The following PDE2A variants were observed in gnomAD, a reference collection of about 807,000 sequenced individuals.
PDE2A encodes phosphodiesterase 2A.
A neutral mutation model predicts 133.6 loss-of-function variants in PDE2A; 53 were observed. The observed-to-expected ratio is 0.40, with a 90% CI of 0.32 to 0.50. PDE2A has a LOEUF of 0.50. Among genes scored for constraint, PDE2A ranks in the 20% least tolerant of loss-of-function variants. The pLI is 0.73. For synonymous variants in PDE2A, 491 were observed against 490.2 expected, an observed-to-expected ratio of 1.00 and a Z score of -0.02; for missense variants, 796 against 1,232.4, an observed-to-expected ratio of 0.65 and a Z score of 5.30.
At chr11:72,665,999 A>G (rs1270578690) in intron 1 of PDE2A, among the ~76,000 whole-genome samples, 1 of 151,810 alleles carries the variant, frequency 6.6e-6, no homozygotes, top group Non-Finnish European at 1.5e-5. Context: ...TCACTTCACC[A>G]CTGGGCTCCT....
chr11:72,627,829 T>C (rs1858161928), intron 2 of PDE2A, among the ~76,000 whole-genome samples: 1 of 152,216 alleles, frequency 6.6e-6, no homozygotes, highest in Non-Finnish European at 1.5e-5. Flanking sequence ...GGGCATTGAC[T>C]CAGCATGCTC....
chr11:72,581,109 T>C (rs1420572305), intron 23 of PDE2A, 136 bp from the exon 24 acceptor site: 4 of 748,250 alleles, frequency 5.3e-6, no homozygotes, highest in Non-Finnish European at 9.2e-6. Context: ...GTTCCCTTCC[T>C]GGAAAGAAGC....
chr11:72,600,230 G>T (rs1856679656), intron 4 of PDE2A, among the ~76,000 whole-genome samples: 1 of 152,150 alleles, frequency 6.6e-6, no homozygotes, highest in South Asian at 2.1e-4. Flanking sequence ...GAACGATCAT[G>T]CTGCCTGGGT....
intron 4 of PDE2A, 21 bp downstream of exon 4, chr11:72,605,117 G>C: frequency 6.6e-7 from 1 of 1,525,260 alleles, no homozygotes; most frequent in Non-Finnish European, 9.1e-7. Context: ...GAGGGCAATG[G>C]GGGTGCAGAG....
intron 2 of PDE2A, among the ~76,000 whole-genome samples, chr11:72,640,801 A>G (rs988173285): frequency 6.6e-6 from 1 of 152,090 alleles, no homozygotes; most frequent in African/African-American, 2.4e-5. Flanking sequence ...TCCACTGTAC[A>G]ATAACAGACA....
In PDE2A at chr11:72,586,175, G is replaced by A. The variant is rs772589959; in HGVS notation, c.1077C>T (p.Thr359=). 5.0e-6 allele frequency: 8 copies of A among 1,601,374 alleles called. No individual in the cohort carries two copies. Among genetic ancestry groups the A allele is most frequent in the African/African-American group, 1.3e-5 (1 of 74,782 alleles). ...AFNKLEGDLF[T]DEDEHVIQHC... ...GCTGGATCACATGCTCGTCCTCGTC[G>A]GTGAACCTGGAGGAGGGGGTGGGCT... is the stretch of plus-strand genomic sequence containing the variant. The change falls in exon 14 of 31, where the codon ACC becomes ACT. Residue 359 remains threonine (T), a synonymous_variant. Coordinates refer to ENST00000334456, the MANE Select transcript of PDE2A (RefSeq NM_002599.5).
chr11:72,608,740 C>T lies in PDE2A; in HGVS notation c.156G>A (p.Leu52=), dbSNP rs755936590. Residue 52 remains leucine, a synonymous_variant, in exon 3 of 31, where the codon CTG becomes CTA. Coordinates refer to ENST00000334456, the MANE Select transcript of PDE2A (RefSeq NM_002599.5). ...PCADSLQDAL[L]SLGSVIDISG... ...AAATGTCGATGACAGAGCCCAGACT[C>T]AGCAAGGCGTCCTGGAAGAGAGGAG... 1 of 1,559,180 alleles carries T rather than the reference C, an allele frequency of 6.4e-7. No homozygotes were observed. The highest frequency in any genetic ancestry group is 1.9e-5 in the Admixed American group (1 of 51,708).
chr11:72,632,324 TG>T (rs1858447841), intron 2 of PDE2A, among the ~76,000 whole-genome samples: 1 of 152,168 alleles, frequency 6.6e-6, no homozygotes, highest in South Asian at 2.1e-4. Context: ...CGTGTCCCTG[TG>T]CCCTGCAGGG....
chr11:72,647,745 G>C (rs1327876050), intron 1 of PDE2A, among the ~76,000 whole-genome samples: 1 of 152,226 alleles, frequency 6.6e-6, no homozygotes, highest in African/African-American at 2.4e-5. Flanking sequence ...ACCTGGGCAG[G>C]GGTGAGCCAC....
At chr11:72,634,641 G>T (rs890345612) in intron 2 of PDE2A, among the ~76,000 whole-genome samples, 1 of 152,236 alleles carries the variant, frequency 6.6e-6, no homozygotes, top group Non-Finnish European at 1.5e-5. Context: ...CTCTGGCCTG[G>T]GTGCCAAGGC....
intron 21 of PDE2A, 141 bp downstream of exon 21, chr11:72,582,303 C>T: frequency 1.2e-6 from 1 of 813,536 alleles, no homozygotes; most frequent in Non-Finnish European, 1.9e-6. Context: ...TGGCAGACTA[C>T]AAGCCCCTCC....
chr11:72,649,337 A>G (rs1591128083), intron 1 of PDE2A: 1 of 152,292 alleles, frequency 6.6e-6, no homozygotes, highest in Non-Finnish European at 1.5e-5. Context: ...CCTCCCAGCC[A>G]GGTATGCCCC....
chr11:72,673,972 A>G (rs1458658058), intron 1 of PDE2A, among the ~76,000 whole-genome samples, 165 bp downstream of exon 1: 1 of 152,098 alleles, frequency 6.6e-6, no homozygotes, highest in Non-Finnish European at 1.5e-5. Context: ...CCCCCACCCC[A>G]GGCTGCAGTC....
chr11:72,625,664 G>T (rs1010376422), intron 2 of PDE2A, among the ~76,000 whole-genome samples: 7 of 152,100 alleles, frequency 4.6e-5, no homozygotes, highest in Non-Finnish European at 8.8e-5. Flanking sequence ...GGCATTTGTG[G>T]GGTTTGGAGA....
At chr11:72,593,069 G>A (rs538117032) in intron 6 of PDE2A, among the ~76,000 whole-genome samples, 1 of 152,094 alleles carries the variant, frequency 6.6e-6, no homozygotes, top group Admixed American at 6.5e-5. Flanking sequence ...TTCTCGGGCT[G>A]CCTTGGCCTA....
At chr11:72,630,868 G>C (rs904602728) in intron 2 of PDE2A, among the ~76,000 whole-genome samples, 1 of 151,908 alleles carries the variant, frequency 6.6e-6, no homozygotes, top group African/African-American at 2.4e-5. Context: ...TTGGGAGGAG[G>C]AATCCTCATG....
At position 72,597,393 on chromosome 11, in the gene PDE2A, C is replaced by G; in HGVS notation, c.433+117G>C. ...TGGAGGGACTGCTAGAGACACAGAGCAAGAGAAAGAAGGAGACAGAGATGA... is the reference window on the plus strand; with the variant it reads ...TGGAGGGACTGCTAGAGACACAGAGGAAGAGAAAGAAGGAGACAGAGATGA... On this transcript the variant is annotated intron_variant, in intron 5 of 30. Coordinates refer to ENST00000334456, the MANE Select transcript of PDE2A (RefSeq NM_002599.5). The surrounding 1 kb of genome is among the most constrained non-coding windows in gnomAD (Gnocchi z 4.6). 1 of 629,938 alleles carries G rather than the reference C, an allele frequency of 1.6e-6. No individual in the cohort carries two copies. Among genetic ancestry groups the G allele is most frequent in the Non-Finnish European group, 2.8e-6 (1 of 353,758 alleles). The allele number at this position is 629,938 out of a possible 1,614,324, so 39.0% of individuals were successfully genotyped here.
At chr11:72,584,488 G>T in intron 18 of PDE2A, 63 bp downstream of exon 18, 2 of 1,516,004 alleles carry the variant, frequency 1.3e-6, no homozygotes, top group South Asian at 1.2e-5. Context: ...TGCCACCCCC[G>T]CTCGCTCGGA....
At position 72,584,580 on chromosome 11, in the gene PDE2A, A is replaced by G; in HGVS notation, c.1508T>C (p.Leu503Pro). 1 of 1,612,196 alleles carries G rather than the reference A, an allele frequency of 6.2e-7. No individual in the cohort carries two copies. The highest frequency in any genetic ancestry group is 8.5e-7 in the Non-Finnish European group (1 of 1,179,892). The change falls in exon 18 of 31, where the codon CTC (leucine) becomes CCC (proline). Residue 503 changes from leucine (L) to proline (P), a missense_variant. By Grantham distance (98) the Leu-to-Pro change is moderately conservative. Coordinates refer to ENST00000334456, the MANE Select transcript of PDE2A (RefSeq NM_002599.5). ...DSTGFRTRNI[L>P]CFPIKNENQE... Reference sequence around the variant, plus strand: ...GTTCTCGTTCTTGATGGGGAAGCAGAGGATGTTGCGCGTGCGGAAGCCGGT... The same window carrying G: ...GTTCTCGTTCTTGATGGGGAAGCAGGGGATGTTGCGCGTGCGGAAGCCGGT...
Sources: gnomAD v4.1 joint callset for allele counts (sites outside exome capture counted in the v4.1 genomes callset) on GRCh38, gnomAD v4.1.1 for gene constraint, Gnocchi (gnomAD v3.1) non-coding constraint, MANE v1.5 for transcripts, NCBI Gene and HGNC (gene_info 2026-07-23, HGNC 2026-07-21) for gene names.